PDXDC1: variants seen among roughly 807,000 people sequenced by gnomAD.
The protein encoded by PDXDC1 is pyridoxal-dependent decarboxylase domain-containing protein 1.
A neutral mutation model predicts 100.1 loss-of-function variants in PDXDC1; 42 were observed. The observed-to-expected ratio is 0.42, with a 90% CI of 0.33 to 0.54. The LOEUF is 0.54. PDXDC1 is among the 20% of genes least tolerant of loss of function. PDXDC1 has a pLI of 0.10. For synonymous variants in PDXDC1, 260 were observed against 371.7 expected (o/e 0.70, Z 3.46); for missense variants, 636 against 979.2 (o/e 0.65, Z 4.68).
downstream of PDXDC1, among the ~76,000 whole-genome samples, chr16:15,043,322 C>T (rs1567759417): frequency 6.6e-6 from 1 of 152,224 alleles, no homozygotes; most frequent in Non-Finnish European, 1.5e-5. Flanking sequence ...AGGCATGAGC[C>T]ACCGTGCCCG....
downstream of PDXDC1, among the ~76,000 whole-genome samples, chr16:15,039,197 C>T (rs1053283532): frequency 6.6e-6 from 1 of 152,202 alleles, no homozygotes; most frequent in African/African-American, 2.4e-5. Flanking sequence ...CTCAGCTTAC[C>T]TAGCAATATT....
chr16:15,056,398 C>T (rs969580787), intron 16 of PDXDC1, among the ~76,000 whole-genome samples: 5 of 152,244 alleles, frequency 3.3e-5, no homozygotes, highest in African/African-American at 1.2e-4. Flanking sequence ...CATTGCTCCA[C>T]GCTTCCCAGG....
At chr16:15,038,936 T>C (rs999039544), downstream of PDXDC1, among the ~76,000 whole-genome samples, 2 of 152,196 alleles carry the variant, frequency 1.3e-5, no homozygotes, top group Non-Finnish European at 2.9e-5. Context: ...TTTTCCCATT[T>C]GGGGTGAAAA....
At chr16:15,150,077 G>A in the PDXDC1 span, among the ~76,000 whole-genome samples, 1 of 152,016 alleles carries the variant, frequency 6.6e-6, no homozygotes, top group South Asian at 2.1e-4. Context: ...ACAGGCGGTG[G>A]CTCAAGCCTG....
upstream of PDXDC1, chr16:14,974,927 T>C: frequency 6.5e-7 from 1 of 1,535,328 alleles, no homozygotes; most frequent in Non-Finnish European, 8.7e-7. Context: ...CCGGGCATCC[T>C]CCCCCCTTCA....
intron 1 of PDXDC1, among the ~76,000 whole-genome samples, chr16:14,980,000 A>C (rs1172148725): frequency 6.6e-6 from 1 of 152,286 alleles, no homozygotes; most frequent in Non-Finnish European, 1.5e-5. Context: ...CCAATGTTAC[A>C]ATGTGAGGGT....
At chr16:14,996,636 C>G (rs1216634547) in intron 1 of PDXDC1, among the ~76,000 whole-genome samples, 12 of 152,362 alleles carry the variant, frequency 7.9e-5, no homozygotes, top group Admixed American at 3.9e-4. Flanking sequence ...AGAAGGATAA[C>G]TTGAGCTCAG....
intron 16 of PDXDC1, chr16:15,094,240 G>T (rs1200858510): frequency 1.3e-6 from 2 of 1,571,658 alleles, no homozygotes; most frequent in Admixed American, 1.9e-5. Context: ...CCATTGGGCC[G>T]AACTAACGCG....
chr16:15,030,239 G>GA (rs2042956728), intron 16 of PDXDC1, among the ~76,000 whole-genome samples, 183 bp downstream of exon 16: 1 of 152,222 alleles, frequency 6.6e-6, no homozygotes, highest in Non-Finnish European at 1.5e-5. Flanking sequence ...GAATCAGAAT[G>GA]AGAATTCAGA....
At chr16:14,984,495 A>ATATATATATATATAT (rs1555542734) in intron 1 of PDXDC1, among the ~76,000 whole-genome samples, 11 of 73,472 alleles carry the variant, frequency 1.5e-4, no homozygotes, top group South Asian at 1.1e-3. Context: ...ATATATATAT[A>ATATATATATATATAT]TTTTTTTTTT....
chr16:15,013,359 G>GAAA (rs779875897), intron 8 of PDXDC1, among the ~76,000 whole-genome samples: 1 of 136,924 alleles, frequency 7.3e-6, no homozygotes, highest in Non-Finnish European at 1.5e-5. Context: ...AAAAAAAAAA[G>GAAA]AAAAAAAAAA....
rs139310634 is a variant in PDXDC1, at chr16:15,038,162, T to C, written c.*1887T>C. ...TTTAAAAACATCAAGGTAGATCTAA[T>C]ATGTTCAACAAAGTGGGGTGGCTCA... On this transcript the variant is annotated 3_prime_UTR_variant, in exon 23 of 23. Coordinates refer to ENST00000396410, the MANE Select transcript of PDXDC1 (RefSeq NM_015027.4). The C allele has an allele frequency of 1.3e-4, 203 of 1,613,590 alleles. No homozygotes were observed. The highest frequency in any genetic ancestry group is 9.3e-4 in the African/African-American group (70 of 75,016).
At chr16:14,981,212 G>A (rs1418751606) in intron 1 of PDXDC1, among the ~76,000 whole-genome samples, 1 of 152,284 alleles carries the variant, frequency 6.6e-6, no homozygotes, top group Non-Finnish European at 1.5e-5. Flanking sequence ...TTTACTTTAC[G>A]AGTGTGCCTC....
intron 16 of PDXDC1, among the ~76,000 whole-genome samples, chr16:15,117,796 T>G (rs1456501744): frequency 2.7e-5 from 2 of 73,600 alleles, no homozygotes; most frequent in Non-Finnish European, 5.3e-5. Context: ...TGCCTAGATA[T>G]CTTCATAACT....
intron 1 of PDXDC1, among the ~76,000 whole-genome samples, chr16:14,984,449 G>C (rs1165149641): frequency 7.1e-6 from 1 of 140,416 alleles, no homozygotes; most frequent in Non-Finnish European, 1.5e-5. Flanking sequence ...GAGAGAGAGA[G>C]AGAGAGTGTG....
chr16:15,143,129 G>A (rs1180909863), downstream of PDXDC1, among the ~76,000 whole-genome samples: 2 of 152,158 alleles, frequency 1.3e-5, no homozygotes, highest in Non-Finnish European at 2.9e-5. Flanking sequence ...CGGGACACAA[G>A]GGGCCCCCAG....
chr16:15,070,118 T>G, intron 16 of PDXDC1: 2 of 1,603,118 alleles, frequency 1.2e-6, no homozygotes, highest in Non-Finnish European at 1.7e-6. Flanking sequence ...AAAACAAAGG[T>G]GTAGAACACA....
chr16:15,072,470 T>TG (rs1207302843), intron 16 of PDXDC1, among the ~76,000 whole-genome samples: 1 of 152,120 alleles, frequency 6.6e-6, no homozygotes, highest in East Asian at 1.9e-4. Flanking sequence ...CTAGCTGGGC[T>TG]GGCAGGCAGC....
At chr16:15,025,207 A>G (rs942613205) in intron 13 of PDXDC1, 7 of 152,374 alleles carry the variant, frequency 4.6e-5, no homozygotes, top group East Asian at 3.8e-4. Flanking sequence ...AGTGTCTCCA[A>G]CCCTGTATAC....
Sources: allele counts gnomAD v4.1 joint callset (sites outside exome capture counted in the v4.1 genomes callset), GRCh38; gene constraint gnomAD v4.1.1; transcripts MANE v1.5; gene names NCBI Gene and HGNC (gene_info 2026-07-23, HGNC 2026-07-21).